The following CBX5 variants were observed in gnomAD, a reference collection of about 807,000 sequenced individuals.
CBX5 encodes chromobox 5.
In CBX5, 7 loss-of-function variants were observed where a neutral mutation model predicts 20.7. That is an observed-to-expected ratio of 0.34 (90% CI 0.19 to 0.63). The LOEUF is 0.63. Ranked by LOEUF, CBX5 falls within the 30% of genes least tolerant of loss-of-function variation. The pLI is 0.75. For missense variants in CBX5, 110 were observed against 224.1 expected (o/e 0.49, Z 3.25); for synonymous variants, 78 against 77.0 (o/e 1.01, Z -0.07).
chr12:54,256,732 G>GT lies in CBX5; in HGVS notation c.137+781dup, dbSNP rs140618348. On this transcript the variant is annotated intron_variant, in intron 2 of 4. Coordinates refer to ENST00000209875, the MANE Select transcript of CBX5 (RefSeq NM_012117.3). ...TTAACGCTGAAATAGTATTTTTCAC[G>GT]TATTAGGTTAAATAAAATATTATTA... Among the ~76,000 whole-genome samples the GT allele has an allele frequency of 7.6e-4, 115 of 152,190 alleles. 1 individual carries two copies. In the East Asian group the frequency reaches 0.02, roughly 27 times the overall value.
At position 54,238,790 on chromosome 12, in the gene CBX5, C is replaced by G. The variant is rs1943648270; in HGVS notation, c.*2965G>C. 6.6e-6 allele frequency: 1 copy of G among 152,192 alleles called. No individual in the cohort carries two copies. The highest frequency in any genetic ancestry group is 1.5e-5 in the Non-Finnish European group (1 of 68,030). 9.4% of individuals were successfully genotyped at this position (152,192 alleles called of 1,614,324 possible). ...TCTACTGGGCAAAGCTGTGCTATAA[C>G]TCTGAAGAAAGGGAGATCTTTTAAT... On this transcript the variant is annotated 3_prime_UTR_variant, in exon 5 of 5. Transcript: ENST00000209875.
chr12:54,255,141 G>A (rs954758393), intron 2 of CBX5, among the ~76,000 whole-genome samples: 3 of 152,050 alleles, frequency 2.0e-5, no homozygotes, highest in Admixed American at 2.0e-4. Context: ...AAAGAGCCTG[G>A]GTTGGCCAGG....
At chr12:54,275,393 C>T (rs1412843811) in intron 1 of CBX5, among the ~76,000 whole-genome samples, 1 of 151,996 alleles carries the variant, frequency 6.6e-6, no homozygotes, top group Non-Finnish European at 1.5e-5. Context: ...AGGCGTGTGC[C>T]ACCACGCCCG....
rs1407445355 is a variant in CBX5 at position 54,240,072 on chromosome 12, T to C, written c.*1683A>G. On this transcript the variant is annotated 3_prime_UTR_variant, in exon 5 of 5. Coordinates refer to ENST00000209875, the MANE Select transcript of CBX5 (RefSeq NM_012117.3). ...AAGCAGCCTCATGGCTGGTGCGCTC[T>C]AGAATTAAGGCTATATTAAGCATTT... 1 of 152,248 alleles carries C rather than the reference T, an allele frequency of 6.6e-6. No individual in the cohort carries two copies. The highest frequency in any genetic ancestry group is 2.4e-5 in the African/African-American group (1 of 41,470). The allele number at this position is 152,248 out of a possible 1,614,324, so 9.4% of individuals were successfully genotyped here. A position where few individuals can be genotyped will look rare whatever the true frequency, so the allele number is the denominator to read the frequency against.
At position 54,241,506 on chromosome 12, in the gene CBX5, AG is replaced by A; in HGVS notation, c.*248del. The A allele has an allele frequency of 2.4e-6, 1 of 408,708 alleles. No homozygotes were observed. The highest frequency in any genetic ancestry group is 4.3e-6 in the Non-Finnish European group (1 of 231,980). 25.3% of individuals were successfully genotyped at this position (408,708 alleles called of 1,614,324 possible). A position where few individuals can be genotyped will look rare whatever the true frequency, so the allele number is the denominator to read the frequency against. On this transcript the variant is annotated 3_prime_UTR_variant, in exon 5 of 5. Coordinates refer to ENST00000209875, the MANE Select transcript of CBX5 (RefSeq NM_012117.3). ...AAGCAGAAGGAAGAGATCAGGGCAAAGGAAAAAAAAATTGTGGGTATTACAC... is the reference window on the plus strand; with the variant it reads ...AAGCAGAAGGAAGAGATCAGGGCAAAGAAAAAAAAATTGTGGGTATTACAC...
At position 54,237,505 on chromosome 12, in the gene CBX5, A is replaced by G. The variant is rs1420414658; in HGVS notation, c.*4250T>C. The G allele has an allele frequency of 2.0e-5, 3 of 152,552 alleles. No individual in the cohort carries two copies. Among genetic ancestry groups the G allele is most frequent in the African/African-American group, 7.2e-5 (3 of 41,466 alleles). 9.4% of individuals were successfully genotyped at this position (152,552 alleles called of 1,614,324 possible). A position where few individuals can be genotyped will look rare whatever the true frequency, so the allele number is the denominator to read the frequency against. On this transcript the variant is annotated 3_prime_UTR_variant, in exon 5 of 5. Coordinates refer to ENST00000209875, the MANE Select transcript of CBX5 (RefSeq NM_012117.3). ...CAGTTATTGATGATTCATGGCCTAC[A>G]TCAAATGAATAAGACTTCGATTTTT...
chr12:54,250,080 G>C (rs1334924480), intron 3 of CBX5, among the ~76,000 whole-genome samples: 1 of 151,952 alleles, frequency 6.6e-6, no homozygotes, highest in Admixed American at 6.6e-5. Flanking sequence ...AAATTAGCTG[G>C]GCATGGTGGT....
intron 2 of CBX5, among the ~76,000 whole-genome samples, chr12:54,254,605 C>A (rs1362759607): frequency 6.6e-6 from 1 of 152,152 alleles, no homozygotes; most frequent in Admixed American, 6.6e-5. Context: ...CTAATCCCAG[C>A]ACTTTGGGAA....
Position 54,246,141 on chromosome 12 carries a change from A to G in CBX5, c.399T>C (p.Cys133=). The change falls in exon 4 of 5, where the codon TGT becomes TGC. Residue 133 remains cysteine, a synonymous_variant. Transcript: ENST00000209875. ...PEKIIGATDS[C]GDLMFLMKWK... is the part of the protein sequence containing the mutation. The stretch of plus-strand genomic sequence containing the variant: ...ATTTCATTAGGAACATTAAATCACC[A>G]CAGGAATCTGTTGCCCCAATGATCT... The G allele has an allele frequency of 1.2e-6, 2 of 1,613,150 alleles. No homozygotes were observed. The highest frequency in any genetic ancestry group is 1.7e-6 in the Non-Finnish European group (2 of 1,179,168).
chr12:54,239,134 TG>T lies in CBX5; in HGVS notation c.*2620del, dbSNP rs1716868024. The T allele has an allele frequency of 6.6e-6, 1 of 152,184 alleles. No individual in the cohort carries two copies. The highest frequency in any genetic ancestry group is 2.1e-4 in the South Asian group (1 of 4,834). The allele number at this position is 152,184 out of a possible 1,614,324, so 9.4% of individuals were successfully genotyped here. Reference sequence around the variant, plus strand: ...AGGTAGGCAGGAAGAGAACAAAAGTTGTTTTGGCGGCACTCAGTACAATAAA... The same window carrying T: ...AGGTAGGCAGGAAGAGAACAAAAGTTTTTTGGCGGCACTCAGTACAATAAA... On this transcript the variant is annotated 3_prime_UTR_variant, in exon 5 of 5. Transcript: ENST00000209875.
intron 1 of CBX5, among the ~76,000 whole-genome samples, chr12:54,268,686 G>T (rs1565874064): frequency 1.3e-5 from 2 of 152,208 alleles, no homozygotes; most frequent in Non-Finnish European, 1.5e-5. Flanking sequence ...TTAAGGCGAG[G>T]ATTTTTGAAG....
rs986286303 is a variant in CBX5, at chr12:54,256,600, T to C, written c.137+914A>G. Among the ~76,000 whole-genome samples, 42 of 152,118 alleles carry C rather than the reference T, an allele frequency of 2.8e-4. 2 individuals are homozygous for C. The highest frequency in any genetic ancestry group is 1.5e-5 in the Non-Finnish European group (1 of 68,028). ...ACTAGCCACATGTGCCTATTTGAAA[T>C]GCAGCTAGTTTGAATGGAGATGCAC... On this transcript the variant is annotated intron_variant, in intron 2 of 4. Transcript: ENST00000209875.
At chr12:54,267,899 T>C (rs1461378469) in intron 1 of CBX5, among the ~76,000 whole-genome samples, 1 of 152,168 alleles carries the variant, frequency 6.6e-6, no homozygotes, top group Non-Finnish European at 1.5e-5. Flanking sequence ...ATCCCAGCAT[T>C]TTGGGAGGTG....
chr12:54,253,887 G>A (rs1015805649), intron 2 of CBX5, among the ~76,000 whole-genome samples: 6 of 150,816 alleles, frequency 4.0e-5, no homozygotes, highest in African/African-American at 7.3e-5. Context: ...CAGCCTCCCC[G>A]GTAACTAGGA....
At chr12:54,275,822 A>G (rs1291740879) in intron 1 of CBX5, among the ~76,000 whole-genome samples, 4 of 151,828 alleles carry the variant, frequency 2.6e-5, no homozygotes, top group Non-Finnish European at 5.9e-5. Flanking sequence ...CCTAACCAAC[A>G]TGGAGAAACC....
chr12:54,250,446 T>C (rs993921754), intron 3 of CBX5, among the ~76,000 whole-genome samples: 1 of 151,884 alleles, frequency 6.6e-6, no homozygotes, highest in African/African-American at 2.4e-5. Context: ...AATTGTATAT[T>C]ATATGATTTT....
chr12:54,238,105 G>C lies in CBX5; in HGVS notation c.*3650C>G, dbSNP rs570317650. On this transcript the variant is annotated 3_prime_UTR_variant, in exon 5 of 5. Transcript: ENST00000209875. ...CTCGAGAGGCTGAGGCAGGAGAATC[G>C]CTTGAACCCAGGAGGTGGAGGGTAC... The C allele has an allele frequency of 9.2e-5, 14 of 152,300 alleles. No individual in the cohort carries two copies. The Middle Eastern group carries it at 0.017, about 185-fold the overall frequency. 9.4% of individuals were successfully genotyped at this position (152,300 alleles called of 1,614,324 possible). A position where few individuals can be genotyped will look rare whatever the true frequency, so the allele number is the denominator to read the frequency against.
At chr12:54,263,625 G>A (rs1054618630) in intron 1 of CBX5, among the ~76,000 whole-genome samples, 1 of 151,494 alleles carries the variant, frequency 6.6e-6, no homozygotes, top group African/African-American at 2.4e-5. Flanking sequence ...TCGGGAGGCT[G>A]AGGCAGTTAC....
At chr12:54,265,287 T>C (rs1011650031) in intron 1 of CBX5, among the ~76,000 whole-genome samples, 1 of 152,260 alleles carries the variant, frequency 6.6e-6, no homozygotes, top group South Asian at 2.1e-4. Flanking sequence ...TAATCTGCTC[T>C]ATGTTCCTTG....
Sources: gnomAD v4.1 joint callset for allele counts (sites outside exome capture counted in the v4.1 genomes callset) on GRCh38, gnomAD v4.1.1 for gene constraint, MANE v1.5 for transcripts, NCBI Gene and HGNC (gene_info 2026-07-23, HGNC 2026-07-21) for gene names.